The following RAB3GAP2 variants were observed in gnomAD, a reference collection of about 807,000 sequenced individuals.
RAB3GAP2 encodes RAB3 GTPase activating non-catalytic protein subunit 2.
RAB3GAP2 carries 87 observed loss-of-function variants against 185.3 expected under a neutral mutation model. The ratio of observed to expected loss-of-function variants is 0.47; its 90% CI spans 0.39 to 0.56. RAB3GAP2 has a LOEUF of 0.56. Ranked by LOEUF, RAB3GAP2 falls within the 20% of genes least tolerant of loss-of-function variation. The probability of loss-of-function intolerance (pLI) is 0.00; values close to 1 mark genes in which losing one functional copy is unlikely to be tolerated. For synonymous variants in RAB3GAP2, 554 were observed against 576.1 expected, an observed-to-expected ratio of 0.96 and a Z score of 0.55; for missense variants, 1,492 against 1,638.2, an observed-to-expected ratio of 0.91 and a Z score of 1.54.
rs530311696 is a variant in RAB3GAP2, at chr1:220,213,844, T to C, written c.304+12A>G. ...TCAAAATAAAGGTCGCTGAAAATAATAGGATACTCACGCACTAGAAATACA... is the reference window on the plus strand; with the variant it reads ...TCAAAATAAAGGTCGCTGAAAATAACAGGATACTCACGCACTAGAAATACA... On this transcript the variant is annotated intron_variant, in intron 3 of 34. Transcript: ENST00000358951. 504 of 1,610,840 alleles carry C rather than the reference T, an allele frequency of 3.1e-4. 5 individuals are homozygous for C. The South Asian group carries it at 5.2e-3, about 17-fold the overall frequency.
At chr1:220,202,496 T>C in intron 8 of RAB3GAP2, 122 bp from the exon 9 acceptor site, 1 of 999,368 alleles carries the variant, frequency 1.0e-6, no homozygotes, top group Non-Finnish European at 1.5e-6. Context: ...CACAAAGTAA[T>C]GAAAACAAGG....
At chr1:220,240,607 T>TC (rs1397580601) in intron 1 of RAB3GAP2, among the ~76,000 whole-genome samples, 1 of 152,138 alleles carries the variant, frequency 6.6e-6, no homozygotes, top group Non-Finnish European at 1.5e-5. Context: ...ACATCTTGAA[T>TC]CATACCCTTT....
At chr1:220,191,729 A>G (rs913031987) in intron 13 of RAB3GAP2, among the ~76,000 whole-genome samples, 13 of 151,940 alleles carry the variant, frequency 8.6e-5, no homozygotes, top group African/African-American at 2.9e-4. Flanking sequence ...GAGGCAGGAG[A>G]ATCAGTTGAA....
chr1:220,172,500 T>C (rs1317552743), intron 22 of RAB3GAP2, 137 bp downstream of exon 22: 3 of 651,794 alleles, frequency 4.6e-6, no homozygotes, highest in Non-Finnish European at 8.3e-6. Flanking sequence ...ATTCTATTAA[T>C]ACATAAAAGA....
chr1:220,171,793 C>T (rs151294561), intron 23 of RAB3GAP2, 96 bp downstream of exon 23: 9 of 1,413,336 alleles, frequency 6.4e-6, no homozygotes, highest in African/African-American at 4.2e-5. Context: ...TCCCTCTCCC[C>T]GCTCCAAAAA....
chr1:220,174,125 C>A (rs1276816685), intron 21 of RAB3GAP2, among the ~76,000 whole-genome samples: 1 of 151,638 alleles, frequency 6.6e-6, no homozygotes, highest in Non-Finnish European at 1.5e-5. Context: ...AATAAACCTG[C>A]CTGATTCTAT....
chr1:220,232,945 A>G, intron 1 of RAB3GAP2, 82 bp from the exon 2 acceptor site: 1 of 1,177,076 alleles, frequency 8.5e-7, no homozygotes, highest in Non-Finnish European at 1.3e-6. Flanking sequence ...AACATCATAG[A>G]ACCAACCCCT....
At chr1:220,239,943 T>C (rs1434122144) in intron 1 of RAB3GAP2, among the ~76,000 whole-genome samples, 1 of 138,934 alleles carries the variant, frequency 7.2e-6, no homozygotes, top group Admixed American at 7.3e-5. Flanking sequence ...GAAATAATTA[T>C]AAAAGCCATT....
At chr1:220,241,606 A>G (rs1028354227) in intron 1 of RAB3GAP2, among the ~76,000 whole-genome samples, 2 of 152,062 alleles carry the variant, frequency 1.3e-5, no homozygotes. Flanking sequence ...AGACAAAAGA[A>G]AAGTCTAAAG....
intron 21 of RAB3GAP2, among the ~76,000 whole-genome samples, chr1:220,180,256 A>G (rs912742843): frequency 1.3e-5 from 2 of 152,180 alleles, no homozygotes; most frequent in Non-Finnish European, 2.9e-5. Flanking sequence ...AAACTAGAAA[A>G]GCAAGAACCA....
chr1:220,159,410 T>G lies in RAB3GAP2; in HGVS notation c.3237A>C (p.Ser1079=), dbSNP rs1276151004. 6.2e-7 allele frequency: 1 copy of G among 1,603,216 alleles called. No homozygotes were observed. Among genetic ancestry groups the G allele is most frequent in the Non-Finnish European group, 8.5e-7 (1 of 1,170,892 alleles). Residue 1079 remains serine, a synonymous_variant, in exon 29 of 35, where the codon TCA becomes TCC. Coordinates refer to ENST00000358951, the MANE Select transcript of RAB3GAP2 (RefSeq NM_012414.4). The part of the protein sequence containing the change: ...ATYLMDKVGK[S]PKDRLCRRDV... ...CCCTTCGGCATAACCTATCTTTTGG[T>G]GATTTTCCAACCTAAAATAAAAAGA...
chr1:220,241,647 C>T (rs372310338), intron 1 of RAB3GAP2, among the ~76,000 whole-genome samples: 25 of 152,034 alleles, frequency 1.6e-4, no homozygotes, highest in South Asian at 8.3e-4. Flanking sequence ...TATTCCTATA[C>T]ATCGGAATTA....
At chr1:220,182,649 C>G in intron 20 of RAB3GAP2, 69 bp downstream of exon 20, 3 of 1,274,558 alleles carry the variant, frequency 2.4e-6, no homozygotes, top group Non-Finnish European at 3.2e-6. Context: ...CTCTGAGATG[C>G]TATATGTTCC....
At chr1:220,219,702 A>G (rs935335516) in intron 2 of RAB3GAP2, 2 of 152,236 alleles carry the variant, frequency 1.3e-5, no homozygotes, top group African/African-American at 2.4e-5. Context: ...TTTTTCAGGG[A>G]AGTCTCAAGT....
chr1:220,208,968 C>T (rs553702787), intron 7 of RAB3GAP2, among the ~76,000 whole-genome samples: 2 of 152,292 alleles, frequency 1.3e-5, no homozygotes, highest in Non-Finnish European at 1.5e-5. Context: ...CCGCCCACCT[C>T]GGGCTCCCAA....
rs1368017091 is a variant in RAB3GAP2 at position 220,151,261 on chromosome 1, G to A, written c.4172C>T (p.Pro1391Leu). 6.2e-7 allele frequency: 1 copy of A among 1,613,738 alleles called. No individual in the cohort carries two copies. Among genetic ancestry groups the A allele is most frequent in the Non-Finnish European group, 8.5e-7 (1 of 1,179,918 alleles). The change falls in exon 35 of 35, where the codon CCT (proline) becomes CTT (leucine). Residue 1391 changes from proline (P) to leucine (L), a missense_variant. Around this residue, in one of 5 missense-constraint regions of RAB3GAP2, gnomAD observed 387 missense variants for 455.3 expected, o/e 0.85. Transcript: ENST00000358951. ...LIEAVEAISL[P>L]SL Reference sequence around the variant, plus strand: ...TCCAGTAGGTAAGTGTCATAAAGAAGGAAGAGATATGGCTTCCACAGCTTC... The same window carrying A: ...TCCAGTAGGTAAGTGTCATAAAGAAAGAAGAGATATGGCTTCCACAGCTTC...
At position 220,171,085 on chromosome 1, in the gene RAB3GAP2, G is replaced by A. The variant is rs959512577; in HGVS notation, c.2613C>T (p.Ala871=). ...SQTVLGADSE[A]LTDSWEALSL... is the part of the protein sequence containing the mutation. ...AAAGTGCCTCCCAGGAATCAGTGAG[G>A]GCCTCTGAATCAGCACCCAAAACTG... is the stretch of plus-strand genomic sequence containing the variant. Residue 871 remains alanine (A), a synonymous_variant, in exon 24 of 35, where the codon GCC becomes GCT. Transcript: ENST00000358951. 1 of 1,614,050 alleles carries A rather than the reference G, an allele frequency of 6.2e-7. No individual in the cohort carries two copies. Among genetic ancestry groups the A allele is most frequent in the Non-Finnish European group, 8.5e-7 (1 of 1,179,980 alleles).
intron 7 of RAB3GAP2, among the ~76,000 whole-genome samples, chr1:220,207,012 A>G (rs1224316082): frequency 6.6e-6 from 1 of 152,118 alleles, no homozygotes; most frequent in Non-Finnish European, 1.5e-5. Context: ...CCAAACTGTA[A>G]GCCCCATGAA....
At position 220,151,618 on chromosome 1, in the gene RAB3GAP2, C is replaced by G; in HGVS notation, c.4014G>C (p.Trp1338Cys). ...LARLPPTLCT[W>C]LKAMDPQDLQ... ...CTATTGTACTGACCATTGCTTTCAGCCAAGTACACAGTGTGGGTGGAAGTC... is the reference window on the plus strand; with the variant it reads ...CTATTGTACTGACCATTGCTTTCAGGCAAGTACACAGTGTGGGTGGAAGTC... The change falls in exon 34 of 35, where the codon TGG (tryptophan) becomes TGC (cysteine). Residue 1338 changes from tryptophan (W) to cysteine (C), a missense_variant. This residue lies in a region of RAB3GAP2 where 387 missense variants were observed against 455.3 expected (regional missense o/e 0.85). Coordinates refer to ENST00000358951, the MANE Select transcript of RAB3GAP2 (RefSeq NM_012414.4). 1 of 1,611,562 alleles carries G rather than the reference C, an allele frequency of 6.2e-7. No individual in the cohort carries two copies. Among genetic ancestry groups the G allele is most frequent in the Non-Finnish European group, 8.5e-7 (1 of 1,177,634 alleles).
Sources: gnomAD v4.1 joint callset for allele counts (sites outside exome capture counted in the v4.1 genomes callset) on GRCh38, gnomAD v4.1.1 for gene constraint, gnomAD v4.1.1 regional missense constraint, MANE v1.5 for transcripts, NCBI Gene and HGNC (gene_info 2026-07-23, HGNC 2026-07-21) for gene names.